The following GABBR2 variants were observed in gnomAD, a reference collection of about 807,000 sequenced individuals.
The protein encoded by GABBR2 is gamma-aminobutyric acid type B receptor subunit 2.
GABBR2 carries 23 observed loss-of-function variants against 105.6 expected under a neutral mutation model. The observed-to-expected ratio is 0.22, with a 90% CI of 0.16 to 0.31. GABBR2 has a LOEUF of 0.31. Ranked by LOEUF, GABBR2 falls within the 10% of genes least tolerant of loss-of-function variation. The pLI is 1.00. For missense variants in GABBR2, 734 were observed against 1,245.5 expected (o/e 0.59, Z 6.18); for synonymous variants, 478 against 499.7 (o/e 0.96, Z 0.58).
chr9:98,526,345 C>G (rs928632236), intron 3 of GABBR2, among the ~76,000 whole-genome samples: 2 of 152,142 alleles, frequency 1.3e-5, no homozygotes, highest in Non-Finnish European at 2.9e-5. Flanking sequence ...TGACATTGCT[C>G]CAGCACTTCC....
intron 1 of GABBR2, among the ~76,000 whole-genome samples, chr9:98,629,684 A>G (rs1288645580): frequency 1.3e-5 from 2 of 152,188 alleles, no homozygotes; most frequent in Admixed American, 1.3e-4. Context: ...GTCCAAACCA[A>G]TTGGCTCACC....
chr9:98,394,362 G>T, intron 8 of GABBR2, 107 bp from the exon 9 acceptor site: 1 of 748,812 alleles, frequency 1.3e-6, no homozygotes, highest in Non-Finnish European at 2.3e-6. Context: ...ATATATTCTG[G>T]CAGGCTTCCC....
intron 13 of GABBR2, among the ~76,000 whole-genome samples, chr9:98,313,089 G>C (rs945803589): frequency 2.0e-5 from 3 of 152,174 alleles, no homozygotes; most frequent in Non-Finnish European, 4.4e-5. Flanking sequence ...ATAATCCTTT[G>C]CTATCTTATT....
chr9:98,517,618 C>T (rs950313995), intron 3 of GABBR2, among the ~76,000 whole-genome samples: 1 of 152,190 alleles, frequency 6.6e-6, no homozygotes, highest in Non-Finnish European at 1.5e-5. Context: ...TATCCCTGTG[C>T]CCAGTACACT....
intron 1 of GABBR2, among the ~76,000 whole-genome samples, chr9:98,649,705 C>T (rs1433277288): frequency 1.3e-5 from 2 of 152,140 alleles, no homozygotes; most frequent in African/African-American, 2.4e-5. Flanking sequence ...ACAGGAAAAA[C>T]AGGTTGAGAA....
At chr9:98,315,422 G>A (rs1401418490) in intron 13 of GABBR2, among the ~76,000 whole-genome samples, 3 of 152,236 alleles carry the variant, frequency 2.0e-5, no homozygotes, top group African/African-American at 4.8e-5. Flanking sequence ...ACGGTGGCAG[G>A]GGTTGGGATA....
chr9:98,352,650 G>T (rs1004442475), intron 13 of GABBR2, among the ~76,000 whole-genome samples: 3 of 152,132 alleles, frequency 2.0e-5, no homozygotes, highest in Admixed American at 2.0e-4. Flanking sequence ...GTCTGCAGGT[G>T]CATGAGGGTC....
chr9:98,306,676 G>A lies in GABBR2; in HGVS notation c.2005-331C>T, dbSNP rs1050758116. The A allele has an allele frequency of 2.7e-6, 1 of 376,692 alleles. No homozygotes were observed. Among genetic ancestry groups the A allele is most frequent in the Non-Finnish European group, 5.0e-6 (1 of 201,038 alleles). The allele number at this position is 376,692 out of a possible 1,614,324, so 23.3% of individuals were successfully genotyped here. On this transcript the variant is annotated intron_variant, in intron 14 of 18. Coordinates refer to ENST00000259455, the MANE Select transcript of GABBR2 (RefSeq NM_005458.8). This position sits in a 1 kb window ranked among gnomAD's most constrained non-coding sequence, Gnocchi z 5.4. ...TCAGCTTTCTCCCTCACTCTCTAGGGAATACTAATATCCAGAAGGGTGAAG... is the reference window on the plus strand; with the variant it reads ...TCAGCTTTCTCCCTCACTCTCTAGGAAATACTAATATCCAGAAGGGTGAAG...
intron 5 of GABBR2, 82 bp downstream of exon 5, chr9:98,480,850 G>T: frequency 1.2e-6 from 1 of 820,614 alleles, no homozygotes; most frequent in Non-Finnish European, 2.2e-6. Flanking sequence ...CCCACTCACA[G>T]ACTGAGCAGG....
Position 98,373,997 on chromosome 9 carries a change from G to A in GABBR2, c.1663-2426C>T, listed in dbSNP as rs1831830661. ...CTCAGTCTCCTGAGTATCTGGGACT[G>A]CAGGCATGCACCACCATGCCCAGCT... On this transcript the variant is annotated intron_variant, in intron 11 of 18. Transcript: ENST00000259455. 2.0e-5 allele frequency among the ~76,000 whole-genome samples: 3 copies of A among 151,550 alleles called. No individual in the cohort carries two copies. The South Asian group carries it at 6.3e-4, about 32-fold the overall frequency.
intron 6 of GABBR2, among the ~76,000 whole-genome samples, chr9:98,468,709 G>T (rs765178833): frequency 2.6e-5 from 4 of 152,148 alleles, no homozygotes; most frequent in Non-Finnish European, 5.9e-5. Flanking sequence ...AAGCACCCTA[G>T]AAGTTACCTA....
intron 13 of GABBR2, among the ~76,000 whole-genome samples, chr9:98,317,672 C>A (rs1166633906): frequency 6.6e-6 from 1 of 152,168 alleles, no homozygotes; most frequent in Non-Finnish European, 1.5e-5. Flanking sequence ...TACATTCATT[C>A]ATTCGAAATC....
intron 4 of GABBR2, among the ~76,000 whole-genome samples, chr9:98,493,993 T>C (rs532560072): frequency 3.3e-5 from 5 of 152,292 alleles, no homozygotes; most frequent in Admixed American, 2.6e-4. Flanking sequence ...GTCAAGGTCA[T>C]ACTAGAATAG....
At chr9:98,379,414 G>A (rs1009268405) in intron 11 of GABBR2, among the ~76,000 whole-genome samples, 14 of 152,132 alleles carry the variant, frequency 9.2e-5, no homozygotes, top group Admixed American at 6.5e-5. Flanking sequence ...GACTATAGGC[G>A]TCTGCCACCA....
intron 1 of GABBR2, among the ~76,000 whole-genome samples, chr9:98,677,476 G>C (rs145933619): frequency 5.9e-5 from 9 of 152,276 alleles, no homozygotes; most frequent in African/African-American, 1.4e-4. Context: ...GTGGTTATTG[G>C]CTATGTATTC....
intron 12 of GABBR2, among the ~76,000 whole-genome samples, chr9:98,364,853 G>A (rs7039867): frequency 0.64 from 97,369 of 151,986 alleles, 32,751 homozygotes; most frequent in East Asian, 0.8. Context: ...CACCTGCCTC[G>A]GCCTCCCAAA....
intron 8 of GABBR2, among the ~76,000 whole-genome samples, chr9:98,401,178 G>A (rs1354645289): frequency 6.6e-6 from 1 of 152,012 alleles, no homozygotes. Context: ...TCAAGGCAAG[G>A]AAAATGATCA....
Position 98,389,015 on chromosome 9 carries a change from A to T in GABBR2, c.1379-11T>A. Reference sequence around the variant, plus strand: ...TTGGTGGTTCGGATCCTAGAGGATCAAGAGAAGACATCAGTGGGACCCAAT... The same window carrying T: ...TTGGTGGTTCGGATCCTAGAGGATCTAGAGAAGACATCAGTGGGACCCAAT... On this transcript the variant is annotated splice_polypyrimidine_tract_variant and intron_variant, in intron 9 of 18. Coordinates refer to ENST00000259455, the MANE Select transcript of GABBR2 (RefSeq NM_005458.8). The T allele has an allele frequency of 1.2e-6, 2 of 1,609,622 alleles. No individual in the cohort carries two copies. The highest frequency in any genetic ancestry group is 1.7e-6 in the Non-Finnish European group (2 of 1,177,352).
intron 2 of GABBR2, among the ~76,000 whole-genome samples, chr9:98,554,445 G>C (rs1201371696): frequency 6.6e-6 from 1 of 152,150 alleles, no homozygotes; most frequent in Admixed American, 6.5e-5. Flanking sequence ...GGGTTAGTAT[G>C]CTTTTGATTC....
Sources: gnomAD v4.1 joint callset for allele counts (sites outside exome capture counted in the v4.1 genomes callset) on GRCh38, gnomAD v4.1.1 for gene constraint, Gnocchi (gnomAD v3.1) non-coding constraint, MANE v1.5 for transcripts, NCBI Gene and HGNC (gene_info 2026-07-23, HGNC 2026-07-21) for gene names.